The following ZMYM4 variants were observed in gnomAD, a reference collection of about 807,000 sequenced individuals.
ZMYM4 encodes the protein zinc finger MYM-type containing 4, also known as zinc finger MYM-type protein 4.
ZMYM4 carries 31 observed loss-of-function variants against 183.2 expected under a neutral mutation model. The observed-to-expected ratio is 0.17, with a 90% CI of 0.13 to 0.23. The LOEUF (loss-of-function observed/expected upper bound fraction) is 0.23, where lower values mean the gene tolerates loss of function less well. ZMYM4 is among the 10% of genes least tolerant of loss of function. The pLI, the probability that ZMYM4 is intolerant of heterozygous loss-of-function variation, is 1.00. For missense variants in ZMYM4, 1,273 were observed against 1,840.3 expected (o/e 0.69, Z 5.64); for synonymous variants, 592 against 631.2 (o/e 0.94, Z 0.93).
rs1640326683 is a variant in ZMYM4 at position 35,421,581 on chromosome 1, AAAAAT to A, written c.*1905_*1909del. 1 of 152,254 alleles carries A rather than the reference AAAAAT, an allele frequency of 6.6e-6. No individual in the cohort carries two copies. Among genetic ancestry groups the A allele is most frequent in the African/African-American group, 2.4e-5 (1 of 41,446 alleles). 9.4% of individuals were successfully genotyped at this position (152,254 alleles called of 1,614,324 possible). A position where few individuals can be genotyped will look rare whatever the true frequency, so the allele number is the denominator to read the frequency against. ...TAAATTGTTATGAAATACCAGAAAA[AAAAAT>A]CTGTATCTTTTACTGAGAACACCCA... On this transcript the variant is annotated 3_prime_UTR_variant, in exon 30 of 30. Coordinates refer to ENST00000314607, the MANE Select transcript of ZMYM4 (RefSeq NM_005095.3).
chr1:35,304,392 T>C (rs1007354014), intron 1 of ZMYM4, among the ~76,000 whole-genome samples: 8 of 152,190 alleles, frequency 5.3e-5, no homozygotes, highest in Non-Finnish European at 8.8e-5. Context: ...TTTATAGTGA[T>C]TTCAAATTTA....
chr1:35,359,087 C>T lies in ZMYM4; in HGVS notation c.248C>T (p.Pro83Leu). ...AACTCTGGGGATCTTGCAGGAATTCCAGTCGTTGGTAGTGACAATGAGGAT... is the reference window on the plus strand; with the variant it reads ...AACTCTGGGGATCTTGCAGGAATTCTAGTCGTTGGTAGTGACAATGAGGAT... The part of the protein sequence containing the change: ...FLNSGDLAGI[P>L]VVGSDNEDEQ... The change falls in exon 3 of 30, where the codon CCA becomes CTA. Residue 83 changes from proline (P) to leucine (L), a missense_variant. Around this residue, in one of 6 missense-constraint regions of ZMYM4, gnomAD observed 384 missense variants for 465.6 expected, o/e 0.82. Coordinates refer to ENST00000314607, the MANE Select transcript of ZMYM4 (RefSeq NM_005095.3). The T allele has an allele frequency of 6.2e-7, 1 of 1,613,704 alleles. No homozygotes were observed. The highest frequency in any genetic ancestry group is 8.5e-7 in the Non-Finnish European group (1 of 1,179,732).
At chr1:35,416,787 C>T (rs1162949423) in intron 28 of ZMYM4, among the ~76,000 whole-genome samples, 1 of 152,194 alleles carries the variant, frequency 6.6e-6, no homozygotes, top group African/African-American at 2.4e-5. Flanking sequence ...TGGTCTCGAA[C>T]TCCTGACCTC....
At chr1:35,282,021 G>A (rs115892899) in intron 1 of ZMYM4, among the ~76,000 whole-genome samples, 1,697 of 152,234 alleles carry the variant, frequency 0.011, 30 homozygotes, top group African/African-American at 0.039. Flanking sequence ...ATATTCCATT[G>A]TGTGCATATA....
At chr1:35,390,576 C>G (rs1644682861) in intron 15 of ZMYM4, among the ~76,000 whole-genome samples, 1 of 152,084 alleles carries the variant, frequency 6.6e-6, no homozygotes. Context: ...GTTGGAATGT[C>G]ATCAGTTAAG....
intron 1 of ZMYM4, among the ~76,000 whole-genome samples, chr1:35,270,575 A>G (rs1471189091): frequency 2.6e-5 from 4 of 152,140 alleles, no homozygotes; most frequent in African/African-American, 9.7e-5. Flanking sequence ...CCTGGCCAAC[A>G]TGGTGAAACC....
At chr1:35,357,079 GGGCTT>G (rs1643848261) in intron 2 of ZMYM4, among the ~76,000 whole-genome samples, 1 of 152,060 alleles carries the variant, frequency 6.6e-6, no homozygotes, top group East Asian at 1.9e-4. Context: ...TTGTAGAGAT[GGGCTT>G]TTGCTATGTT....
rs1164859519 is a variant in ZMYM4 at position 35,396,440 on chromosome 1, A to AG, written c.2912-110dup. 2.8e-6 allele frequency: 4 copies of AG among 1,441,952 alleles called. No homozygotes were observed. In the African/African-American group the frequency reaches 5.7e-5, roughly 21 times the overall value. The allele number at this position is 1,441,952 out of a possible 1,614,324, so 89.3% of individuals were successfully genotyped here. A position where few individuals can be genotyped will look rare whatever the true frequency, so the allele number is the denominator to read the frequency against. On this transcript the variant is annotated intron_variant, in intron 18 of 29. Coordinates refer to ENST00000314607, the MANE Select transcript of ZMYM4 (RefSeq NM_005095.3). ...TTTGTAAGAAGTCCTGTAGTGTCATAGGTTACTCTTATTTTGAACTATAAA... is the reference window on the plus strand; with the variant it reads ...TTTGTAAGAAGTCCTGTAGTGTCATAGGGTTACTCTTATTTTGAACTATAAA...
chr1:35,401,400 C>T (rs1416976417), intron 23 of ZMYM4, among the ~76,000 whole-genome samples: 1 of 152,148 alleles, frequency 6.6e-6, no homozygotes, highest in Non-Finnish European at 1.5e-5. Context: ...AGCATCTTTT[C>T]ATATATGTAT....
intron 1 of ZMYM4, among the ~76,000 whole-genome samples, chr1:35,286,942 G>C (rs979969291): frequency 6.6e-6 from 1 of 150,824 alleles, no homozygotes; most frequent in East Asian, 2.0e-4. Flanking sequence ...TTTCTGTTTT[G>C]GCACTGAAAT....
At chr1:35,345,837 G>A (rs1368229274) in intron 2 of ZMYM4, among the ~76,000 whole-genome samples, 1 of 152,174 alleles carries the variant, frequency 6.6e-6, no homozygotes, top group Non-Finnish European at 1.5e-5. Flanking sequence ...CCATTTTTAA[G>A]TGTACAGTTC....
intron 1 of ZMYM4, among the ~76,000 whole-genome samples, chr1:35,319,326 A>G (rs1642189002): frequency 6.6e-6 from 1 of 152,156 alleles, no homozygotes; most frequent in Non-Finnish European, 1.5e-5. Flanking sequence ...AGCTGCCTGT[A>G]TAAAAAATAT....
At chr1:35,334,763 A>T (rs542757620) in intron 2 of ZMYM4, among the ~76,000 whole-genome samples, 25 of 152,270 alleles carry the variant, frequency 1.6e-4, no homozygotes, top group Non-Finnish European at 2.8e-4. Flanking sequence ...CATAATGTAA[A>T]GTTCTTTTGA....
intron 4 of ZMYM4, 138 bp downstream of exon 4, chr1:35,361,393 G>C: frequency 1.0e-6 from 1 of 962,988 alleles, no homozygotes; most frequent in Non-Finnish European, 1.5e-6. Context: ...ATTTGTTTAA[G>C]GTCATCATCG....
intron 2 of ZMYM4, among the ~76,000 whole-genome samples, chr1:35,354,727 TAA>T (rs57493035): frequency 1.4e-3 from 114 of 84,028 alleles, no homozygotes; most frequent in African/African-American, 5.0e-3. Flanking sequence ...ACTTTGTCTT[TAA>T]AAAAAAAAAA....
intron 26 of ZMYM4, among the ~76,000 whole-genome samples, chr1:35,410,201 G>A (rs976558979): frequency 6.6e-6 from 1 of 152,134 alleles, no homozygotes; most frequent in Non-Finnish European, 1.5e-5. Context: ...CATCAAGCCA[G>A]TCATGAGAGA....
At chr1:35,272,554 C>G (rs1322521922) in intron 1 of ZMYM4, among the ~76,000 whole-genome samples, 4 of 152,212 alleles carry the variant, frequency 2.6e-5, no homozygotes, top group Non-Finnish European at 5.9e-5. Context: ...AGCAGAGGCT[C>G]TATGGGTTGA....
chr1:35,276,033 T>G (rs1639854027), intron 1 of ZMYM4, among the ~76,000 whole-genome samples: 1 of 152,104 alleles, frequency 6.6e-6, no homozygotes, highest in East Asian at 1.9e-4. Context: ...AGATAGTCCT[T>G]TTTTTTGTTT....
chr1:35,306,560 T>C (rs1352501352), intron 1 of ZMYM4, among the ~76,000 whole-genome samples: 1 of 152,198 alleles, frequency 6.6e-6, no homozygotes, highest in Non-Finnish European at 1.5e-5. Flanking sequence ...TTTAACACAA[T>C]AAGATGTTCC....
Sources: gnomAD v4.1 joint callset for allele counts (sites outside exome capture counted in the v4.1 genomes callset) on GRCh38, gnomAD v4.1.1 for gene constraint, gnomAD v4.1.1 regional missense constraint, MANE v1.5 for transcripts, NCBI Gene and HGNC (gene_info 2026-07-23, HGNC 2026-07-21) for gene names.